FBN2: variants seen among roughly 807,000 people sequenced by gnomAD.
The protein encoded by FBN2 is fibrillin 2.
FBN2 carries 105 observed loss-of-function variants against 355.6 expected under a neutral mutation model. The ratio of observed to expected loss-of-function variants is 0.30; its 90% CI spans 0.25 to 0.35. FBN2 has a LOEUF of 0.35. Among genes scored for constraint, FBN2 ranks in the 10% least tolerant of loss-of-function variants. FBN2 has a pLI of 1.00. For synonymous variants in FBN2, 1,350 were observed against 1,301.2 expected (o/e 1.04, Z -0.81); for missense variants, 3,280 against 3,758.7 (o/e 0.87, Z 3.33).
chr5:128,314,882 C>A (rs1750158594), intron 36 of FBN2, among the ~76,000 whole-genome samples: 3 of 152,102 alleles, frequency 2.0e-5, no homozygotes, highest in African/African-American at 7.2e-5. Flanking sequence ...TGTAAACCTC[C>A]AGTCTGTCAA....
At position 128,335,497 on chromosome 5, in the gene FBN2, T is replaced by C. The variant is rs765649978; in HGVS notation, c.3805A>G (p.Ser1269Gly). Reference protein sequence around the residue: ...NSEGSYECSCSEGYALMPDGR... With the variant: ...NSEGSYECSCGEGYALMPDGR... ...TCTGGCATCAGGGCATAACCCTCAC[T>C]GCAGCTGCATTCGTAGCTTCCCTCT... The change falls in exon 29 of 65, where the codon AGT becomes GGT. Residue 1269 changes from serine (S) to glycine (G), a missense_variant. Around this residue, in one of 6 missense-constraint regions of FBN2, gnomAD observed 2,284 missense variants for 2,749.5 expected, o/e 0.83. Transcript: ENST00000262464. 4.0e-5 allele frequency: 64 copies of C among 1,614,112 alleles called. No individual in the cohort carries two copies. The highest frequency in any genetic ancestry group is 4.8e-5 in the Non-Finnish European group (57 of 1,180,022).
intron 8 of FBN2, among the ~76,000 whole-genome samples, chr5:128,398,149 G>A (rs1373164071): frequency 1.3e-5 from 2 of 152,014 alleles, no homozygotes; most frequent in African/African-American, 4.8e-5. Context: ...AGGTTCTCAG[G>A]TTAGAGACAC....
intron 41 of FBN2, among the ~76,000 whole-genome samples, chr5:128,307,610 AAAAT>A (rs2002858615): frequency 6.6e-6 from 1 of 152,116 alleles, no homozygotes; most frequent in South Asian, 2.1e-4. Flanking sequence ...TAGACATGCA[AAAAT>A]AATGTTGTAG....
In FBN2 at chr5:128,393,213, C is replaced by T. The variant is rs772544895; in HGVS notation, c.1387G>A (p.Gly463Arg). ...ACGCCAGGAGAAAAGCCATTGCCTC[C>T]AGGGATGGGGATGAAGCCTGTCCCT... ...PGGTGFIPIP[G>R]GNGFSPGVGG... Residue 463 changes from glycine to arginine, a missense_variant, in exon 10 of 65, where the codon GGA (glycine) becomes AGA (arginine). Coordinates refer to ENST00000262464, the MANE Select transcript of FBN2 (RefSeq NM_001999.4). 6.2e-7 allele frequency: 1 copy of T among 1,614,200 alleles called. No homozygotes were observed. The highest frequency in any genetic ancestry group is 1.1e-5 in the South Asian group (1 of 91,086).
chr5:128,376,604 G>T, intron 14 of FBN2, 127 bp downstream of exon 14: 1 of 1,135,460 alleles, frequency 8.8e-7, no homozygotes, highest in Non-Finnish European at 1.3e-6. Flanking sequence ...CTGCCTTAGT[G>T]AATTAGCAAG....
chr5:128,460,227 G>A (rs1042822308), intron 6 of FBN2, among the ~76,000 whole-genome samples: 4 of 152,038 alleles, frequency 2.6e-5, no homozygotes, highest in African/African-American at 9.7e-5. Context: ...CAAACAGAGA[G>A]TCAAATCGTG....
At chr5:128,296,557 T>G (rs1289175767) in intron 48 of FBN2, among the ~76,000 whole-genome samples, 8 of 152,096 alleles carry the variant, frequency 5.3e-5, no homozygotes, top group Non-Finnish European at 1.2e-4. Flanking sequence ...CTTCCTGGTT[T>G]AGTCTTGGGA....
At position 128,263,568 on chromosome 5, in the gene FBN2, C is replaced by A. The variant is rs138044126; in HGVS notation, c.8049G>T (p.Gly2683=). The A allele has an allele frequency of 1.4e-5, 22 of 1,614,110 alleles. No individual in the cohort carries two copies. The highest frequency in any genetic ancestry group is 1.9e-5 in the Non-Finnish European group (22 of 1,180,006). Residue 2683 remains glycine (G), a synonymous_variant, in exon 63 of 65, where the codon GGG becomes GGT. Transcript: ENST00000262464. Reference sequence around the variant, plus strand: ...CACTGGAGAACTGGTCGAAGGAGAACCCCGAGGGGCAGGCGCACTTGTAAC... The same window carrying A: ...CACTGGAGAACTGGTCGAAGGAGAAACCCGAGGGGCAGGCGCACTTGTAAC... ...LGSYKCACPS[G]FSFDQFSSAC...
At chr5:128,467,600 C>G (rs1754746323) in intron 5 of FBN2, among the ~76,000 whole-genome samples, 1 of 152,104 alleles carries the variant, frequency 6.6e-6, no homozygotes, top group Admixed American at 6.5e-5. Context: ...CATTCTCTTC[C>G]TAAAAGTTGC....
chr5:128,412,012 T>C (rs1753081993), intron 7 of FBN2, among the ~76,000 whole-genome samples: 1 of 152,226 alleles, frequency 6.6e-6, no homozygotes, highest in South Asian at 2.1e-4. Context: ...ACAAGTCTGC[T>C]CATGGGAAAA....
intron 8 of FBN2, among the ~76,000 whole-genome samples, chr5:128,396,339 T>C (rs556576737): frequency 3.3e-5 from 5 of 152,302 alleles, no homozygotes; most frequent in East Asian, 1.9e-4. Context: ...GCTGAACATA[T>C]ATATCTGTGA....
intron 48 of FBN2, among the ~76,000 whole-genome samples, chr5:128,299,707 C>A (rs1749659407): frequency 6.6e-6 from 1 of 152,256 alleles, no homozygotes; most frequent in Non-Finnish European, 1.5e-5. Context: ...CACCCACTGA[C>A]CTGCGCCCAC....
chr5:128,399,364 A>G (rs949912640), intron 8 of FBN2, among the ~76,000 whole-genome samples: 1 of 152,216 alleles, frequency 6.6e-6, no homozygotes. Context: ...ATAATATCTT[A>G]GTATACTCTG....
intron 36 of FBN2, among the ~76,000 whole-genome samples, chr5:128,314,535 C>G (rs1462152176): frequency 6.6e-6 from 1 of 152,046 alleles, no homozygotes; most frequent in Non-Finnish European, 1.5e-5. Context: ...CCAGGATGGT[C>G]TTGATCTTTT....
At chr5:128,418,915 G>C (rs960107614) in intron 7 of FBN2, among the ~76,000 whole-genome samples, 2 of 152,072 alleles carry the variant, frequency 1.3e-5, no homozygotes, top group Non-Finnish European at 2.9e-5. Flanking sequence ...GGATTGTGTT[G>C]CATTTACAGA....
intron 7 of FBN2, among the ~76,000 whole-genome samples, chr5:128,420,671 G>T (rs1267301156): frequency 1.3e-5 from 2 of 152,058 alleles, no homozygotes; most frequent in African/African-American, 4.8e-5. Context: ...TAAATATTTT[G>T]TTTGAAATAA....
chr5:128,298,456 C>T (rs530883487), intron 48 of FBN2, among the ~76,000 whole-genome samples: 46 of 152,146 alleles, frequency 3.0e-4, no homozygotes, highest in East Asian at 2.5e-3. Context: ...CCATTCTCCC[C>T]GTCACTTTCA....
In FBN2 at chr5:128,388,915, A is replaced by G. The variant is rs114677792; in HGVS notation, c.1603+3103T>C. On this transcript the variant is annotated intron_variant, in intron 11 of 64. Transcript: ENST00000262464. Reference sequence around the variant, plus strand: ...AAGGTTGGATAATTTTTCGTGGGCAATATCTTCAAATATGTTTTCCAAGTT... The same window carrying G: ...AAGGTTGGATAATTTTTCGTGGGCAGTATCTTCAAATATGTTTTCCAAGTT... Among the ~76,000 whole-genome samples, 1,261 of 152,286 alleles carry G rather than the reference A, an allele frequency of 8.3e-3. 18 individuals carry two copies. The highest frequency in any genetic ancestry group is 0.029 in the African/African-American group (1,193 of 41,540).
At chr5:128,508,559 C>A (rs1756026063) in intron 5 of FBN2, among the ~76,000 whole-genome samples, 2 of 151,984 alleles carry the variant, frequency 1.3e-5, no homozygotes, top group Admixed American at 6.6e-5. Context: ...CACATCTACT[C>A]TACACCCCAT....
Sources: allele counts gnomAD v4.1 joint callset (sites outside exome capture counted in the v4.1 genomes callset), GRCh38; gene constraint gnomAD v4.1.1; regional missense constraint gnomAD v4.1.1; transcripts MANE v1.5; gene names NCBI Gene and HGNC (gene_info 2026-07-23, HGNC 2026-07-21).